The following CFTR variants were observed in gnomAD, a reference collection of about 807,000 sequenced individuals.
CFTR encodes the protein CF transmembrane conductance regulator, also known as cystic fibrosis transmembrane conductance regulator.
CFTR carries 181 observed loss-of-function variants against 171.6 expected under a neutral mutation model. The observed-to-expected ratio is 1.05, with a 90% CI of 0.93 to 1.19. The LOEUF is 1.19. Ranked by LOEUF, CFTR falls within the 50% of genes most tolerant of loss-of-function variation. CFTR has a pLI of 0.00. For synonymous variants in CFTR, 583 were observed against 608.0 expected (o/e 0.96, Z 0.60); for missense variants, 1,968 against 1,734.7 (o/e 1.13, Z -2.39).
intron 3 of CFTR, among the ~76,000 whole-genome samples, chr7:117,529,644 A>T (rs548158663): frequency 6.6e-6 from 1 of 152,146 alleles, no homozygotes; most frequent in Non-Finnish European, 1.5e-5. Flanking sequence ...AATCAATGAC[A>T]GCTCTATATG....
At chr7:117,609,633 G>C (rs1411394251) in intron 18 of CFTR, among the ~76,000 whole-genome samples, 1 of 152,098 alleles carries the variant, frequency 6.6e-6, no homozygotes, top group Non-Finnish European at 1.5e-5. Context: ...AGGTTAGATA[G>C]CTTGCCTAAA....
chr7:117,559,451 GT>G lies in CFTR; in HGVS notation c.1393-9del. The G allele has an allele frequency of 6.4e-7, 1 of 1,572,230 alleles. No homozygotes were observed. Among genetic ancestry groups the G allele is most frequent in the Non-Finnish European group, 8.7e-7 (1 of 1,143,084 alleles). ...TTTGATAATGACCTAATAATGATGG[GT>G]TTTATTTCCAGACTTCACTTCTAAT... On this transcript the variant is annotated splice_polypyrimidine_tract_variant and intron_variant, in intron 10 of 26. Coordinates refer to ENST00000003084, the MANE Select transcript of CFTR (RefSeq NM_000492.4).
At position 117,595,016 on chromosome 7, in the gene CFTR, A is replaced by G. The variant is rs777190367; in HGVS notation, c.2577A>G (p.Leu859=). The G allele has an allele frequency of 6.2e-7, 1 of 1,613,020 alleles. No homozygotes were observed. ...GATATATTACTGTCCACAAGAGCTTAATTTTTGTGCTAATTTGGTGCTTAG... is the reference window on the plus strand; with the variant it reads ...GATATATTACTGTCCACAAGAGCTTGATTTTTGTGCTAATTTGGTGCTTAG... ...YLRYITVHKS[L]IFVLIWCLVI... Residue 859 remains leucine, a synonymous_variant, in exon 15 of 27, where the codon TTA becomes TTG. Coordinates refer to ENST00000003084, the MANE Select transcript of CFTR (RefSeq NM_000492.4).
intron 2 of CFTR, among the ~76,000 whole-genome samples, chr7:117,505,397 A>G (rs1022594388): frequency 1.3e-5 from 2 of 152,270 alleles, no homozygotes; most frequent in Non-Finnish European, 2.9e-5. Flanking sequence ...AGCCTGAACT[A>G]TGTGAAGACC....
chr7:117,563,583 C>G (rs1199124640), intron 11 of CFTR, among the ~76,000 whole-genome samples: 1 of 151,860 alleles, frequency 6.6e-6, no homozygotes, highest in African/African-American at 2.4e-5. Flanking sequence ...GGAGGGAAGA[C>G]AGGTAGAAAT....
intron 23 of CFTR, among the ~76,000 whole-genome samples, chr7:117,649,273 A>T (rs1207305125): frequency 6.7e-6 from 1 of 148,162 alleles, no homozygotes; most frequent in Admixed American, 6.7e-5. Context: ...AGAATTATAC[A>T]TGGGATGTGT....
chr7:117,534,986 T>C (rs1255308469), intron 5 of CFTR, among the ~76,000 whole-genome samples: 1 of 152,228 alleles, frequency 6.6e-6, no homozygotes, highest in Non-Finnish European at 1.5e-5. Flanking sequence ...AGATGTCCAA[T>C]CTTGATTCCA....
intron 11 of CFTR, among the ~76,000 whole-genome samples, chr7:117,566,005 G>A (rs1283475294): frequency 6.6e-6 from 1 of 152,106 alleles, no homozygotes; most frequent in Admixed American, 6.5e-5. Context: ...GTAAGAACTT[G>A]AAACTTAGCC....
chr7:117,638,206 C>T (rs1792855921), intron 22 of CFTR, among the ~76,000 whole-genome samples: 1 of 152,166 alleles, frequency 6.6e-6, no homozygotes, highest in African/African-American at 2.4e-5. Flanking sequence ...TGCCCTGTGA[C>T]CTCACTTCTC....
In CFTR at chr7:117,592,328, A is replaced by G; in HGVS notation, c.2161A>G (p.Met721Val). 6.2e-7 allele frequency: 1 copy of G among 1,614,164 alleles called. No homozygotes were observed. Among genetic ancestry groups the G allele is most frequent in the Non-Finnish European group, 8.5e-7 (1 of 1,180,014 alleles). The change falls in exon 14 of 27, where the codon ATG (methionine) becomes GTG (valine). Residue 721 changes from methionine to valine, a missense_variant. By Grantham distance (21) the Met-to-Val change is conservative. Transcript: ENST00000003084. Reference protein sequence around the residue: ...FSIVQKTPLQMNGIEEDSDEP... With the variant: ...FSIVQKTPLQVNGIEEDSDEP... The stretch of plus-strand genomic sequence containing the variant: ...CATTGTGCAAAAGACTCCCTTACAA[A>G]TGAATGGCATCGAAGAGGATTCTGA...
intron 24 of CFTR, among the ~76,000 whole-genome samples, chr7:117,656,622 C>G (rs964253831): frequency 6.6e-6 from 1 of 152,050 alleles, no homozygotes; most frequent in Non-Finnish European, 1.5e-5. Context: ...ACAGAATACT[C>G]TAGCTATAAA....
At chr7:117,647,323 A>C (rs1303138114) in intron 23 of CFTR, 1 of 152,108 alleles carries the variant, frequency 6.6e-6, no homozygotes, top group African/African-American at 2.4e-5. Flanking sequence ...TGGGTAATTT[A>C]TAAAGAAAAT....
Position 117,542,096 on chromosome 7 carries a change from C to T in CFTR, c.1197C>T (p.Ala399=), listed in dbSNP as rs750143745. Residue 399 remains alanine (A), a synonymous_variant, in exon 9 of 27, where the codon GCC becomes GCT. Coordinates refer to ENST00000003084, the MANE Select transcript of CFTR (RefSeq NM_000492.4). The part of the protein sequence containing the change: ...TTEVVMENVT[A]FWEEGFGELF... ...AAGTAGTGATGGAGAATGTAACAGC[C>T]TTCTGGGAGGAGGTCAGAATTTTTA... is the stretch of plus-strand genomic sequence containing the variant. 1.3e-6 allele frequency: 2 copies of T among 1,582,788 alleles called. No individual in the cohort carries two copies. Among genetic ancestry groups the T allele is most frequent in the South Asian group, 2.2e-5 (2 of 90,414 alleles).
At chr7:117,536,377 G>C (rs1798955366) in intron 6 of CFTR, among the ~76,000 whole-genome samples, 171 bp from the exon 7 acceptor site, 2 of 152,132 alleles carry the variant, frequency 1.3e-5, no homozygotes, top group South Asian at 2.1e-4. Context: ...GCACATAGGA[G>C]GCATTTACCA....
chr7:117,543,804 T>C (rs1017368013), intron 9 of CFTR, among the ~76,000 whole-genome samples: 3 of 152,232 alleles, frequency 2.0e-5, no homozygotes, highest in African/African-American at 7.2e-5. Flanking sequence ...TGGTGATGCT[T>C]GTTAAACTTC....
intron 15 of CFTR, among the ~76,000 whole-genome samples, chr7:117,596,164 G>A (rs1319544914): frequency 1.3e-5 from 1 of 74,384 alleles, no homozygotes; most frequent in Non-Finnish European, 2.6e-5. Flanking sequence ...GGCGCTGGGG[G>A]AACTGGGGCT....
At chr7:117,613,064 C>T (rs1792430472) in intron 20 of CFTR, among the ~76,000 whole-genome samples, 1 of 152,028 alleles carries the variant, frequency 6.6e-6, no homozygotes, top group Non-Finnish European at 1.5e-5. Context: ...TCAGCTAGGG[C>T]AGTGGGAAAT....
chr7:117,636,262 T>C (rs1299012936), intron 22 of CFTR, among the ~76,000 whole-genome samples: 1 of 152,200 alleles, frequency 6.6e-6, no homozygotes, highest in Non-Finnish European at 1.5e-5. Context: ...AGGTAAGATG[T>C]TTTTTCCTCT....
chr7:117,577,213 T>G (rs1450586510), intron 11 of CFTR, among the ~76,000 whole-genome samples: 1 of 152,130 alleles, frequency 6.6e-6, no homozygotes, highest in Non-Finnish European at 1.5e-5. Context: ...AAAACTTCAA[T>G]GTGGCTGAAG....
Sources: gnomAD v4.1 joint callset for allele counts (sites outside exome capture counted in the v4.1 genomes callset) on GRCh38, gnomAD v4.1.1 for gene constraint, MANE v1.5 for transcripts, NCBI Gene and HGNC (gene_info 2026-07-23, HGNC 2026-07-21) for gene names.